The following SKAP1 variants were observed in gnomAD, a reference collection of about 807,000 sequenced individuals.
The protein encoded by SKAP1 is src kinase-associated phosphoprotein 1.
Under a neutral mutation model 58.5 loss-of-function variants are expected in SKAP1, and 44 were observed. The ratio of observed to expected loss-of-function variants is 0.75; its 90% CI spans 0.59 to 0.97. SKAP1 has a LOEUF of 0.97. Among genes scored for constraint, SKAP1 ranks in the 50% least tolerant of loss-of-function variants. The pLI is 0.00. For synonymous variants in SKAP1, 127 were observed against 149.7 expected (o/e 0.85, Z 1.11); for missense variants, 390 against 435.2 (o/e 0.90, Z 0.92).
intron 4 of SKAP1, among the ~76,000 whole-genome samples, chr17:48,191,736 A>G (rs774235974): frequency 2.0e-5 from 3 of 152,138 alleles, no homozygotes; most frequent in African/African-American, 4.8e-5. Context: ...TTTTTATCCA[A>G]TTGGTCCTTA....
intron 5 of SKAP1, 46 bp downstream of exon 5, chr17:48,189,372 ACTTCC>A: frequency 6.8e-7 from 1 of 1,468,628 alleles, no homozygotes; most frequent in Non-Finnish European, 9.5e-7. Context: ...CTTTTTCCTC[ACTTCC>A]CTTCCCTTCC....
At chr17:48,335,742 T>C (rs2066559231) in intron 4 of SKAP1, among the ~76,000 whole-genome samples, 1 of 152,134 alleles carries the variant, frequency 6.6e-6, no homozygotes, top group African/African-American at 2.4e-5. Context: ...TTAAAATTCA[T>C]ATTTAACACA....
At chr17:48,158,764 T>G (rs2064026536) in intron 11 of SKAP1, among the ~76,000 whole-genome samples, 1 of 150,690 alleles carries the variant, frequency 6.6e-6, no homozygotes, top group Admixed American at 6.6e-5. Context: ...ATTGAGACCA[T>G]CCTGGCTAAC....
chr17:48,360,769 A>G lies in SKAP1; in HGVS notation c.178+3020T>C, dbSNP rs72827846. ...AATAAATATCATTCAGGAAGTTGACAGTGGACCAATAAAAAAACGCAGGTG... is the reference window on the plus strand; with the variant it reads ...AATAAATATCATTCAGGAAGTTGACGGTGGACCAATAAAAAAACGCAGGTG... On this transcript the variant is annotated intron_variant, in intron 3 of 12. Transcript: ENST00000336915. Among the ~76,000 whole-genome samples, 501 of 152,292 alleles carry G rather than the reference A, an allele frequency of 3.3e-3. 1 individual carries two copies. The highest frequency in any genetic ancestry group is 0.017 in the Middle Eastern group (5 of 294).
intron 9 of SKAP1, among the ~76,000 whole-genome samples, chr17:48,175,194 A>G (rs777708036): frequency 2.0e-5 from 3 of 152,222 alleles, no homozygotes; most frequent in Non-Finnish European, 2.9e-5. Context: ...CACTGATATC[A>G]GAAAGAATAA....
intron 4 of SKAP1, among the ~76,000 whole-genome samples, chr17:48,286,796 C>G (rs1330094231): frequency 2.6e-5 from 4 of 152,180 alleles, no homozygotes; most frequent in Non-Finnish European, 5.9e-5. Context: ...TATTGCTCAT[C>G]TTAATCATCT....
At chr17:48,317,273 T>G (rs1212141682) in intron 4 of SKAP1, among the ~76,000 whole-genome samples, 1 of 152,202 alleles carries the variant, frequency 6.6e-6, no homozygotes, top group Non-Finnish European at 1.5e-5. Context: ...AATGTTGATA[T>G]AAAAAAGACG....
intron 4 of SKAP1, among the ~76,000 whole-genome samples, chr17:48,263,908 GAGCAA>G (rs1330426237): frequency 6.6e-6 from 1 of 152,134 alleles, no homozygotes; most frequent in Non-Finnish European, 1.5e-5. Flanking sequence ...CGTTTGCACA[GAGCAA>G]GAAAGGAGAG....
chr17:48,209,601 A>G (rs1195931736), intron 4 of SKAP1, among the ~76,000 whole-genome samples: 1 of 152,202 alleles, frequency 6.6e-6, no homozygotes, highest in Non-Finnish European at 1.5e-5. Context: ...GATATTCAGA[A>G]GAGTGTAATG....
chr17:48,391,511 A>G (rs147060477), intron 2 of SKAP1, among the ~76,000 whole-genome samples: 71 of 152,334 alleles, frequency 4.7e-4, no homozygotes, highest in African/African-American at 1.6e-3. Flanking sequence ...GTAGATTCAC[A>G]AAACTCTTTA....
At chr17:48,430,034 C>G (rs2067898377) in intron 1 of SKAP1, 41 bp downstream of exon 1, 1 of 1,260,260 alleles carries the variant, frequency 7.9e-7, no homozygotes, top group Admixed American at 4.2e-5. Context: ...CCCTTTCGGC[C>G]TTCGGCTCAG....
At chr17:48,273,736 C>T (rs1034965412) in intron 4 of SKAP1, among the ~76,000 whole-genome samples, 2 of 151,888 alleles carry the variant, frequency 1.3e-5, no homozygotes, top group Non-Finnish European at 2.9e-5. Flanking sequence ...CATTCTTTAG[C>T]TCCAATTCTA....
intron 1 of SKAP1, among the ~76,000 whole-genome samples, chr17:48,405,204 A>C (rs2067554383): frequency 6.6e-6 from 1 of 152,188 alleles, no homozygotes; most frequent in Non-Finnish European, 1.5e-5. Flanking sequence ...ATTTCATTTT[A>C]AATTTTCTAG....
chr17:48,211,184 G>A (rs2064868010), intron 4 of SKAP1, among the ~76,000 whole-genome samples: 2 of 152,184 alleles, frequency 1.3e-5, no homozygotes, highest in African/African-American at 4.8e-5. Context: ...GCTCATGCTT[G>A]TAATCCCAGC....
chr17:48,298,309 G>C (rs1264190012), intron 4 of SKAP1, among the ~76,000 whole-genome samples: 1 of 152,218 alleles, frequency 6.6e-6, no homozygotes, highest in Non-Finnish European at 1.5e-5. Flanking sequence ...GTCAGAAGCT[G>C]CGGGCAAAGC....
chr17:48,308,749 G>C (rs573192758), intron 4 of SKAP1: 1 of 151,992 alleles, frequency 6.6e-6, no homozygotes, highest in African/African-American at 2.4e-5. Flanking sequence ...GGCAAGTTTC[G>C]TTTTCCTTAT....
At chr17:48,223,059 G>T (rs1323274074) in intron 4 of SKAP1, among the ~76,000 whole-genome samples, 4 of 56,784 alleles carry the variant, frequency 7.0e-5, no homozygotes, top group African/African-American at 2.8e-4. Flanking sequence ...GTGAGACTCC[G>T]TCTCAAAAAA....
chr17:48,347,364 C>T (rs1317755894), intron 3 of SKAP1, among the ~76,000 whole-genome samples: 2 of 152,148 alleles, frequency 1.3e-5, no homozygotes, highest in Non-Finnish European at 2.9e-5. Flanking sequence ...ACCAAACAAC[C>T]TACATAGAAT....
chr17:48,341,541 T>A (rs182178523), intron 4 of SKAP1, among the ~76,000 whole-genome samples: 5 of 152,280 alleles, frequency 3.3e-5, no homozygotes, highest in Admixed American at 2.6e-4. Context: ...ATTTCCAGAA[T>A]ATTCTCTATA....
Sources: allele counts gnomAD v4.1 joint callset (sites outside exome capture counted in the v4.1 genomes callset), GRCh38; gene constraint gnomAD v4.1.1; transcripts MANE v1.5; gene names NCBI Gene and HGNC (gene_info 2026-07-23, HGNC 2026-07-21).